CFAP69: variants seen among roughly 807,000 people sequenced by gnomAD.
The protein encoded by CFAP69 is cilia and flagella associated protein 69.
A neutral mutation model predicts 123.0 loss-of-function variants in CFAP69; 92 were observed. The observed-to-expected ratio is 0.75, with a 90% CI of 0.63 to 0.89. CFAP69 has a LOEUF of 0.89. Ranked by LOEUF, CFAP69 falls within the 40% of genes least tolerant of loss-of-function variation. The pLI is 0.00. For synonymous variants in CFAP69, 380 were observed against 364.3 expected, an observed-to-expected ratio of 1.04 and a Z score of -0.49; for missense variants, 1,067 against 1,096.9, an observed-to-expected ratio of 0.97 and a Z score of 0.39.
intron 3 of CFAP69, 127 bp downstream of exon 3, chr7:90,258,290 T>A: frequency 1.5e-6 from 1 of 680,412 alleles, no homozygotes; most frequent in Non-Finnish European, 2.4e-6. Context: ...TAAAACAACA[T>A]AAAGTTATTA....
intron 16 of CFAP69, among the ~76,000 whole-genome samples, 175 bp from the exon 17 acceptor site, chr7:90,299,692 C>G (rs1242261203): frequency 6.6e-6 from 1 of 151,854 alleles, no homozygotes; most frequent in Non-Finnish European, 1.5e-5. Context: ...TTTTAAATTT[C>G]TAATGTTTGA....
intron 15 of CFAP69, among the ~76,000 whole-genome samples, chr7:90,293,316 A>G (rs149421107): frequency 6.6e-6 from 1 of 152,338 alleles, no homozygotes; most frequent in Admixed American, 6.5e-5. Context: ...ATGTTTGACC[A>G]TAAGGTAAGA....
intron 3 of CFAP69, among the ~76,000 whole-genome samples, chr7:90,260,146 A>G (rs1185968436): frequency 6.6e-6 from 1 of 152,152 alleles, no homozygotes; most frequent in Non-Finnish European, 1.5e-5. Context: ...ACCCAAGACA[A>G]TTCTTCTTCT....
At chr7:90,317,319 T>C in the CFAP69 span, 66 of 152,242 alleles carry the variant, frequency 4.3e-4, no homozygotes, top group African/African-American at 1.5e-3. Context: ...TCAGACTAAT[T>C]ATTTGTCATA....
chr7:90,316,470 A>G, the CFAP69 span: 1 of 152,222 alleles, frequency 6.6e-6, no homozygotes, highest in African/African-American at 2.4e-5. Flanking sequence ...ATATCATAAA[A>G]TTGCTTTTGA....
chr7:90,285,572 T>G (rs1562892987), intron 13 of CFAP69, among the ~76,000 whole-genome samples: 2 of 152,172 alleles, frequency 1.3e-5, no homozygotes, highest in African/African-American at 4.8e-5. Flanking sequence ...TACCTAAAAT[T>G]GTTTAAAACA....
Position 90,286,024 on chromosome 7 carries a change from G to A in CFAP69, c.1538-257G>A, listed in dbSNP as rs3761804. Among the ~76,000 whole-genome samples the A allele has an allele frequency of 0.5, 75,786 of 151,950 alleles. 19,859 individuals are homozygous for A. Among genetic ancestry groups the A allele is most frequent in the Non-Finnish European group, 0.59 (39,805 of 67,938 alleles). On this transcript the variant is annotated intron_variant, in intron 13 of 22. Coordinates refer to ENST00000389297, the MANE Select transcript of CFAP69 (RefSeq NM_001039706.3). ...TCTTCTAAAATAGTTTTTCTAGGCT[G>A]GGCATGGTCGTGCACGCCTGTAATC...
Position 90,262,048 on chromosome 7 carries a change from A to C in CFAP69, c.348A>C (p.Lys116Asn). Residue 116 changes from lysine (K) to asparagine (N), a missense_variant, in exon 4 of 23, where the codon AAA (lysine) becomes AAC (asparagine). By Grantham distance (94) the Lys-to-Asn change is moderately conservative. Transcript: ENST00000389297. ...TAGAATCTGCATATGATATCATAAA[A>C]CTGTGTGGGTAAGTTATCTTTCTTT... Reference protein sequence around the residue: ...RFIESAYDIIKLCGLPFLKKK... With the variant: ...RFIESAYDIINLCGLPFLKKK... 1.3e-6 allele frequency: 2 copies of C among 1,569,788 alleles called. No homozygotes were observed. Among genetic ancestry groups the C allele is most frequent in the Non-Finnish European group, 8.7e-7 (1 of 1,154,950 alleles).
chr7:90,311,464 C>G (rs935369482), downstream of CFAP69, among the ~76,000 whole-genome samples: 2 of 152,224 alleles, frequency 1.3e-5, no homozygotes, highest in African/African-American at 2.4e-5. Context: ...AGTATAAATA[C>G]TGCCACTATT....
chr7:90,245,361 A>G lies in CFAP69; in HGVS notation c.-64A>G. 1 of 1,448,450 alleles carries G rather than the reference A, an allele frequency of 6.9e-7. No homozygotes were observed. The highest frequency in any genetic ancestry group is 9.1e-7 in the Non-Finnish European group (1 of 1,100,258). 89.7% of individuals were successfully genotyped at this position (1,448,450 alleles called of 1,614,324 possible). A position where few individuals can be genotyped will look rare whatever the true frequency, so the allele number is the denominator to read the frequency against. ...TCGGTGGCGGGGCCTCTTTGGGCCC[A>G]GCGGCTGCGGGCGCACTGTAGGACA... is the stretch of plus-strand genomic sequence containing the variant. On this transcript the variant is annotated 5_prime_UTR_variant, in exon 1 of 23. Coordinates refer to ENST00000389297, the MANE Select transcript of CFAP69 (RefSeq NM_001039706.3).
intron 4 of CFAP69, among the ~76,000 whole-genome samples, chr7:90,264,692 G>A (rs1461062235): frequency 1.3e-5 from 2 of 151,990 alleles, no homozygotes; most frequent in South Asian, 2.1e-4. Flanking sequence ...TTCATGAAGC[G>A]ATGCAAAATG....
intron 13 of CFAP69, among the ~76,000 whole-genome samples, chr7:90,284,290 T>C (rs893238341): frequency 5.3e-5 from 8 of 152,162 alleles, no homozygotes; most frequent in African/African-American, 1.9e-4. Flanking sequence ...AAGTAGTAAC[T>C]AGATTTTAAA....
the CFAP69 span, chr7:90,317,240 A>T: frequency 6.6e-6 from 1 of 152,176 alleles, no homozygotes; most frequent in African/African-American, 2.4e-5. Flanking sequence ...ATGAATCATC[A>T]CTTTTCGATT....
At position 90,271,844 on chromosome 7, in the gene CFAP69, A is replaced by G. The variant is rs1399031901; in HGVS notation, c.746A>G (p.Asp249Gly). ...AASGICTHLN[D>G]PDPSGQLLFR... Reference sequence around the variant, plus strand: ...AGTGGAATCTGTACTCACCTCAATGACCCAGATCCCTCTGGACAGCTTTTA... The same window carrying G: ...AGTGGAATCTGTACTCACCTCAATGGCCCAGATCCCTCTGGACAGCTTTTA... Residue 249 changes from aspartate to glycine, a missense_variant, in exon 8 of 23, where the codon GAC becomes GGC. Coordinates refer to ENST00000389297, the MANE Select transcript of CFAP69 (RefSeq NM_001039706.3). The G allele has an allele frequency of 1.9e-6, 3 of 1,603,744 alleles. No homozygotes were observed. The highest frequency in any genetic ancestry group is 3.3e-4 in the Middle Eastern group (2 of 6,052).
chr7:90,297,793 A>G lies in CFAP69; in HGVS notation c.1820A>G (p.Glu607Gly), dbSNP rs765139214. 1.6e-5 allele frequency: 25 copies of G among 1,574,276 alleles called. No homozygotes were observed. The highest frequency in any genetic ancestry group is 2.1e-5 in the Non-Finnish European group (24 of 1,168,240). Reference protein sequence around the residue: ...GCYPSEDYFLEKEGIFLLLDL... With the variant: ...GCYPSEDYFLGKEGIFLLLDL... The stretch of plus-strand genomic sequence containing the variant: ...TATCCCTCAGAGGATTATTTTCTTG[A>G]AAAGGAAGGCATTTTTCTCCTTTTG... Residue 607 changes from glutamate to glycine, a missense_variant, in exon 16 of 23, where the codon GAA becomes GGA. Coordinates refer to ENST00000389297, the MANE Select transcript of CFAP69 (RefSeq NM_001039706.3).
intron 22 of CFAP69, 115 bp from the exon 23 acceptor site, chr7:90,309,953 C>T (rs915438620): frequency 5.3e-5 from 42 of 787,664 alleles, no homozygotes; most frequent in Admixed American, 1.7e-4. Flanking sequence ...TAACTGCCTC[C>T]TAGTTATTCA....
At chr7:90,264,137 ATATATATATATATG>A (rs1371286404) in intron 4 of CFAP69, among the ~76,000 whole-genome samples, 8 of 119,574 alleles carry the variant, frequency 6.7e-5, no homozygotes, top group Non-Finnish European at 1.1e-4. Flanking sequence ...ATATATATAT[ATATATATATATATG>A]AATTAAAAGT....
chr7:90,288,286 A>G lies in CFAP69; in HGVS notation c.1709A>G (p.Asp570Gly), dbSNP rs945614281. The G allele has an allele frequency of 6.2e-7, 1 of 1,612,304 alleles. No homozygotes were observed. The highest frequency in any genetic ancestry group is 1.3e-5 in the African/African-American group (1 of 74,842). ...VDIVLHVMKT[D>G]PRKLQSGLGY... is the part of the protein sequence containing the mutation. Reference sequence around the variant, plus strand: ...ATCGTTCTTCATGTGATGAAAACAGACCCCAGGAAGTTACAGAGTGGCTTA... The same window carrying G: ...ATCGTTCTTCATGTGATGAAAACAGGCCCCAGGAAGTTACAGAGTGGCTTA... The change falls in exon 15 of 23, where the codon GAC becomes GGC. Residue 570 changes from aspartate (D) to glycine (G), a missense_variant. Asp to Gly is a moderately conservative substitution (Grantham distance 94). Coordinates refer to ENST00000389297, the MANE Select transcript of CFAP69 (RefSeq NM_001039706.3).
chr7:90,276,301 A>G (rs1252779264), intron 9 of CFAP69: 1 of 152,232 alleles, frequency 6.6e-6, no homozygotes, highest in Non-Finnish European at 1.5e-5. Context: ...TGCAACTTAT[A>G]GGTAGACCTT....
Sources: allele counts gnomAD v4.1 joint callset (sites outside exome capture counted in the v4.1 genomes callset), GRCh38; gene constraint gnomAD v4.1.1; transcripts MANE v1.5; gene names NCBI Gene and HGNC (gene_info 2026-07-23, HGNC 2026-07-21).